RNLS: variants seen among roughly 807,000 people sequenced by gnomAD.
RNLS encodes renalase, FAD dependent amine oxidase.
RNLS carries 39 observed loss-of-function variants against 39.8 expected under a neutral mutation model. The ratio of observed to expected loss-of-function variants is 0.98; its 90% CI spans 0.76 to 1.28. The LOEUF (loss-of-function observed/expected upper bound fraction) is 1.28, where lower values mean the gene tolerates loss of function less well. Among genes scored for constraint, RNLS ranks in the 50% most tolerant of loss-of-function variants. The probability of loss-of-function intolerance (pLI) is 0.00; values close to 1 mark genes in which losing one functional copy is unlikely to be tolerated. For synonymous variants in RNLS, 147 were observed against 150.7 expected (o/e 0.98, Z 0.18); for missense variants, 410 against 413.3 (o/e 0.99, Z 0.07).
chr10:88,385,037 T>C (rs1294434825), intron 4 of RNLS, among the ~76,000 whole-genome samples: 3 of 152,186 alleles, frequency 2.0e-5, no homozygotes, highest in Admixed American at 1.3e-4. Flanking sequence ...TAGGCTATTA[T>C]AGAGGATGAT....
the RNLS span, among the ~76,000 whole-genome samples, chr10:88,210,135 T>C: frequency 6.6e-6 from 1 of 152,232 alleles, no homozygotes; most frequent in East Asian, 1.9e-4. Flanking sequence ...AAAAATTCCC[T>C]GTCATTACTT....
chr10:88,257,388 C>T, the RNLS span, among the ~76,000 whole-genome samples: 2 of 152,144 alleles, frequency 1.3e-5, no homozygotes, highest in African/African-American at 2.4e-5. Context: ...ATATAGCGTG[C>T]ACACTATATT....
intron 4 of RNLS, among the ~76,000 whole-genome samples, chr10:88,403,627 T>C (rs1369831296): frequency 6.6e-6 from 1 of 152,044 alleles, no homozygotes; most frequent in Non-Finnish European, 1.5e-5. Context: ...AAGATTTATA[T>C]AATAAGCTTT....
Position 88,284,503 on chromosome 10 carries a change from A to G in RNLS, c.*851T>C. ...GCAAATATTGAACTATTTTAAGTGC[A>G]TCTATTTTCTGGTTCAGTAAATTTT... On this transcript the variant is annotated 3_prime_UTR_variant, in exon 7 of 7. Coordinates refer to ENST00000331772, the MANE Select transcript of RNLS (RefSeq NM_001031709.3). 1.0e-6 allele frequency: 1 copy of G among 985,384 alleles called. No homozygotes were observed. The highest frequency in any genetic ancestry group is 4.7e-5 in the South Asian group (1 of 21,286). The allele number at this position is 985,384 out of a possible 1,614,324, so 61.0% of individuals were successfully genotyped here. A position where few individuals can be genotyped will look rare whatever the true frequency, so the allele number is the denominator to read the frequency against.
chr10:88,526,067 T>C (rs1359574010), intron 4 of RNLS, among the ~76,000 whole-genome samples: 2 of 152,006 alleles, frequency 1.3e-5, no homozygotes, highest in African/African-American at 2.4e-5. Context: ...TTAACTCTTG[T>C]TTAAACCTAC....
intron 6 of RNLS, among the ~76,000 whole-genome samples, chr10:88,290,103 C>G (rs1323089144): frequency 6.6e-6 from 1 of 152,102 alleles, no homozygotes. Context: ...GGTAGGCAGA[C>G]AAGTAGGCTG....
intron 4 of RNLS, among the ~76,000 whole-genome samples, chr10:88,572,312 A>C (rs1007125419): frequency 6.6e-6 from 1 of 152,248 alleles, no homozygotes; most frequent in Non-Finnish European, 1.5e-5. Flanking sequence ...GGTAAAGTGA[A>C]TAATGCTAAA....
At chr10:88,366,068 C>T (rs1466476237) in intron 4 of RNLS, among the ~76,000 whole-genome samples, 1 of 152,036 alleles carries the variant, frequency 6.6e-6, no homozygotes, top group African/African-American at 2.4e-5. Context: ...TCTCCTGTAG[C>T]CTACATACTC....
At chr10:88,230,496 G>A in the RNLS span, among the ~76,000 whole-genome samples, 9 of 151,332 alleles carry the variant, frequency 5.9e-5, no homozygotes, top group South Asian at 2.1e-4. Flanking sequence ...TCTTTCTGTC[G>A]TGCCTTCTTC....
chr10:88,172,863 T>TTTTTTTTTTTTG, the RNLS span, among the ~76,000 whole-genome samples: 1 of 87,696 alleles, frequency 1.1e-5, no homozygotes, highest in Non-Finnish European at 2.6e-5. Context: ...TTTTTTTTTT[T>TTTTTTTTTTTTG]TTTTTTTTTT....
chr10:88,564,264 C>G (rs1283672413), intron 4 of RNLS, among the ~76,000 whole-genome samples: 1 of 151,900 alleles, frequency 6.6e-6, no homozygotes, highest in Non-Finnish European at 1.5e-5. Context: ...ATCCTCCAAT[C>G]TAGGAAAGAG....
intron 4 of RNLS, among the ~76,000 whole-genome samples, chr10:88,437,720 T>C (rs1229402175): frequency 6.6e-6 from 1 of 152,188 alleles, no homozygotes; most frequent in Admixed American, 6.5e-5. Flanking sequence ...AAGCCAATCA[T>C]GGTACTCTCA....
the RNLS span, among the ~76,000 whole-genome samples, chr10:88,266,330 T>C: frequency 6.6e-6 from 1 of 152,090 alleles, no homozygotes; most frequent in Non-Finnish European, 1.5e-5. Context: ...AGTGGAAAAA[T>C]GCTCTCAAGG....
chr10:88,534,820 T>A (rs1847644335), intron 4 of RNLS, among the ~76,000 whole-genome samples: 1 of 151,980 alleles, frequency 6.6e-6, no homozygotes, highest in African/African-American at 2.4e-5. Context: ...AAATAGGAAA[T>A]GTGGGAGTTG....
chr10:88,338,490 G>A (rs1217434885), intron 5 of RNLS, among the ~76,000 whole-genome samples: 1 of 152,220 alleles, frequency 6.6e-6, no homozygotes. Flanking sequence ...CAGATCCATG[G>A]AAAGTCATGT....
At chr10:88,188,142 T>G in the RNLS span, among the ~76,000 whole-genome samples, 1 of 152,156 alleles carries the variant, frequency 6.6e-6, no homozygotes, top group Non-Finnish European at 1.5e-5. Context: ...CTGCAACCTC[T>G]GCCTCCTGGG....
chr10:88,486,205 T>C (rs1844508338), intron 4 of RNLS, among the ~76,000 whole-genome samples: 1 of 152,008 alleles, frequency 6.6e-6, no homozygotes, highest in African/African-American at 2.4e-5. Flanking sequence ...CCTTATATCA[T>C]ATACAAAAAT....
intron 5 of RNLS, among the ~76,000 whole-genome samples, chr10:88,359,620 GC>G (rs1308079960): frequency 6.6e-6 from 1 of 152,134 alleles, no homozygotes; most frequent in African/African-American, 2.4e-5. Flanking sequence ...ACCACCATGG[GC>G]TTTAGCAAAA....
downstream of RNLS, among the ~76,000 whole-genome samples, chr10:88,269,075 G>T (rs1438594721): frequency 6.6e-6 from 1 of 152,188 alleles, no homozygotes; most frequent in Non-Finnish European, 1.5e-5. Context: ...TCAGAAAATT[G>T]CTGGAATCTA....
Sources: gnomAD v4.1 joint callset for allele counts (sites outside exome capture counted in the v4.1 genomes callset) on GRCh38, gnomAD v4.1.1 for gene constraint, MANE v1.5 for transcripts, NCBI Gene and HGNC (gene_info 2026-07-23, HGNC 2026-07-21) for gene names.